NUP160: variants seen among roughly 807,000 people sequenced by gnomAD.
NUP160 encodes the protein nuclear pore complex protein Nup160.
Under a neutral mutation model 196.9 loss-of-function variants are expected in NUP160, and 94 were observed. The ratio of observed to expected loss-of-function variants is 0.48; its 90% CI spans 0.40 to 0.57. The LOEUF (loss-of-function observed/expected upper bound fraction) is 0.57. Among genes scored for constraint, NUP160 ranks in the 20% least tolerant of loss-of-function variants. NUP160 has a pLI of 0.00. For synonymous variants in NUP160, 605 were observed against 619.7 expected (o/e 0.98, Z 0.35); for missense variants, 1,638 against 1,748.3 (o/e 0.94, Z 1.13).
At chr11:47,840,341 T>C (rs1852270918) in intron 3 of NUP160, 37 bp downstream of exon 3, 4 of 1,530,548 alleles carry the variant, frequency 2.6e-6, no homozygotes, top group Non-Finnish European at 3.6e-6. Flanking sequence ...CCCAGAGTAA[T>C]TTGGGAAATA....
chr11:47,782,986 T>C, intron 34 of NUP160, 87 bp downstream of exon 34: 1 of 1,135,854 alleles, frequency 8.8e-7, no homozygotes, highest in Non-Finnish European at 1.3e-6. Flanking sequence ...TGGTTTCTCA[T>C]AAATGTTCAT....
chr11:47,844,882 T>C (rs578134831), intron 2 of NUP160, among the ~76,000 whole-genome samples: 1 of 152,062 alleles, frequency 6.6e-6, no homozygotes, highest in East Asian at 1.9e-4. Flanking sequence ...ATAAAACAGG[T>C]TGCAATAAAG....
chr11:47,841,702 T>TG (rs1852301443), intron 2 of NUP160: 2 of 293,676 alleles, frequency 6.8e-6, no homozygotes, highest in Non-Finnish European at 1.4e-5. Context: ...TTTGTTTGTT[T>TG]TTTTTTTGAG....
Position 47,797,796 on chromosome 11 carries a change from C to T in NUP160, c.3272G>A (p.Arg1091His), listed in dbSNP as rs752680140. 8 of 1,611,322 alleles carry T rather than the reference C, an allele frequency of 5.0e-6. No individual in the cohort carries two copies. Among genetic ancestry groups the T allele is most frequent in the Admixed American group, 3.3e-5 (2 of 59,752 alleles). The change falls in exon 27 of 36, where the codon CGC (arginine) becomes CAC (histidine). Residue 1091 changes from arginine to histidine, a missense_variant. Arg to His is a conservative substitution (Grantham distance 29). Coordinates refer to ENST00000378460, the Ensembl canonical transcript of NUP160. ...TTGCTCACCCTTGCGGTAATTGTGG[C>T]GATAGATGTGAAAGGCATACAGAAG...
chr11:47,845,376 G>A (rs1025366131), intron 2 of NUP160, among the ~76,000 whole-genome samples: 2 of 152,188 alleles, frequency 1.3e-5, no homozygotes, highest in African/African-American at 4.8e-5. Context: ...CTGACCTCAG[G>A]TGATCCACCT....
chr11:47,786,552 C>T, exon 32 of NUP160: 1 of 1,605,174 alleles, frequency 6.2e-7, no homozygotes, highest in Non-Finnish European at 8.5e-7. Flanking sequence ...CAATTTGATG[C>T]ATCTGGAATG....
intron 27 of NUP160, 28 bp downstream of exon 27, chr11:47,797,751 C>T: frequency 6.7e-7 from 1 of 1,489,928 alleles, no homozygotes; most frequent in South Asian, 1.1e-5. Context: ...AGGCTGTCTG[C>T]AAGATACTGT....
intron 4 of NUP160, chr11:47,839,370 C>T (rs1349222392): frequency 1.3e-5 from 2 of 156,318 alleles, no homozygotes; most frequent in African/African-American, 2.4e-5. Context: ...GGATTATAGA[C>T]GTGAGCCACA....
intron 4 of NUP160, 81 bp downstream of exon 4, chr11:47,839,762 G>T (rs1852257166): frequency 8.6e-7 from 1 of 1,156,506 alleles, no homozygotes; most frequent in Non-Finnish European, 1.3e-6. Context: ...TGCAATCCCT[G>T]CATTGGATGA....
At chr11:47,808,426 C>A in exon 18 of NUP160, 1 of 1,613,430 alleles carries the variant, frequency 6.2e-7, no homozygotes, top group Non-Finnish European at 8.5e-7. Flanking sequence ...AGTTGCCAAG[C>A]ACTCACTTCC....
intron 13 of NUP160, among the ~76,000 whole-genome samples, chr11:47,814,140 TCAAACAAACAAA>T (rs111366014): frequency 2.8e-5 from 4 of 144,426 alleles, no homozygotes; most frequent in Non-Finnish European, 6.0e-5. Context: ...AGACCCTGCC[TCAAACAAACAAA>T]CAAACAAACA....
chr11:47,821,956 A>G, intron 8 of NUP160, 131 bp downstream of exon 8: 2 of 988,314 alleles, frequency 2.0e-6, no homozygotes, highest in Non-Finnish European at 3.1e-6. Flanking sequence ...GGTAAAGTCT[A>G]AATGAAATTT....
At chr11:47,812,812 A>T in intron 15 of NUP160, 70 bp downstream of exon 15, 1 of 1,355,308 alleles carries the variant, frequency 7.4e-7, no homozygotes, top group African/African-American at 1.4e-5. Context: ...ACATACATTA[A>T]AATTCCAACT....
At chr11:47,827,379 A>T (rs939093453) in intron 7 of NUP160, among the ~76,000 whole-genome samples, 1 of 151,392 alleles carries the variant, frequency 6.6e-6, no homozygotes, top group Non-Finnish European at 1.5e-5. Flanking sequence ...AAAAAAAAAA[A>T]TTCACAGCTT....
Position 47,840,417 on chromosome 11 carries a change from G to A in NUP160, c.486C>T (p.His162=). 3.1e-6 allele frequency: 5 copies of A among 1,614,104 alleles called. No homozygotes were observed. Among genetic ancestry groups the A allele is most frequent in the Non-Finnish European group, 4.2e-6 (5 of 1,180,006 alleles). The change falls in exon 3 of 36, where the codon CAC becomes CAT. Residue 162 remains histidine, a synonymous_variant. Coordinates refer to ENST00000378460, the Ensembl canonical transcript of NUP160. ...GGGAGGGGTGTGGTAAAAGTAACCT[G>A]TGCACTGTTTGATTGGTTAACATCA...
At chr11:47,790,069 C>T (rs1366064832) in intron 29 of NUP160, among the ~76,000 whole-genome samples, 1 of 151,594 alleles carries the variant, frequency 6.6e-6, no homozygotes, top group Non-Finnish European at 1.5e-5. Flanking sequence ...CCTCAGCCTC[C>T]CAAGTAGCTA....
intron 11 of NUP160, among the ~76,000 whole-genome samples, chr11:47,816,485 C>A (rs1565199904): frequency 6.6e-6 from 1 of 152,106 alleles, no homozygotes. Context: ...TTTAAAGAAG[C>A]CTATGCAAGC....
intron 34 of NUP160, among the ~76,000 whole-genome samples, chr11:47,782,300 AAAAATATATATATATAT>A (rs1183693214): frequency 1.4e-4 from 6 of 42,522 alleles, no homozygotes; most frequent in South Asian, 1.7e-3. Flanking sequence ...AAAAAAAAAA[AAAAATATATATATATAT>A]ATATATATAT....
At chr11:47,787,350 C>G (rs760145317) in intron 31 of NUP160, among the ~76,000 whole-genome samples, 1 of 151,480 alleles carries the variant, frequency 6.6e-6, no homozygotes, top group Non-Finnish European at 1.5e-5. Flanking sequence ...GGCCTCCCAA[C>G]GTGATGGCAT....
Sources: gnomAD v4.1 joint callset for allele counts (sites outside exome capture counted in the v4.1 genomes callset) on GRCh38, gnomAD v4.1.1 for gene constraint, MANE v1.5 for transcripts, NCBI Gene and HGNC (gene_info 2026-07-23, HGNC 2026-07-21) for gene names.